The following ASTN2 variants were observed in gnomAD, a reference collection of about 807,000 sequenced individuals.
The protein encoded by ASTN2 is astrotactin 2.
Under a neutral mutation model 139.8 loss-of-function variants are expected in ASTN2, and 54 were observed. That is an observed-to-expected ratio of 0.39 (90% CI 0.31 to 0.48). The LOEUF is 0.48. Among genes scored for constraint, ASTN2 ranks in the 20% least tolerant of loss-of-function variants. ASTN2 has a pLI of 0.95. For missense variants in ASTN2, 1,565 were observed against 1,725.1 expected (o/e 0.91, Z 1.64); for synonymous variants, 756 against 719.5 (o/e 1.05, Z -0.81).
chr9:117,100,475 TATC>T (rs749941968), intron 4 of ASTN2, among the ~76,000 whole-genome samples: 10 of 152,362 alleles, frequency 6.6e-5, no homozygotes, highest in Admixed American at 1.3e-4. Flanking sequence ...ATTAAAATAT[TATC>T]ATGTTAACAT....
chr9:116,944,753 T>C (rs1484969492), intron 10 of ASTN2, among the ~76,000 whole-genome samples: 1 of 144,256 alleles, frequency 6.9e-6, no homozygotes, highest in African/African-American at 2.6e-5. Context: ...TGGGAAGCCA[T>C]AAACAATTTA....
intron 1 of ASTN2, among the ~76,000 whole-genome samples, chr9:117,398,930 C>T (rs187685976): frequency 3.9e-4 from 60 of 152,206 alleles, no homozygotes; most frequent in Non-Finnish European, 1.5e-5. Flanking sequence ...TACAGACATG[C>T]GCTGCCACAT....
chr9:116,522,153 C>T (rs1850903990), intron 19 of ASTN2, among the ~76,000 whole-genome samples: 1 of 152,054 alleles, frequency 6.6e-6, no homozygotes, highest in Non-Finnish European at 1.5e-5. Flanking sequence ...TCCAGTAATC[C>T]CACTACTAGG....
chr9:117,007,631 G>A (rs1251216330), intron 7 of ASTN2, among the ~76,000 whole-genome samples: 4 of 152,104 alleles, frequency 2.6e-5, no homozygotes, highest in Non-Finnish European at 5.9e-5. Flanking sequence ...AAATATGCCT[G>A]GCTACTAAAG....
intron 2 of ASTN2, among the ~76,000 whole-genome samples, chr9:117,219,739 G>C (rs186645877): frequency 2.0e-5 from 3 of 152,186 alleles, no homozygotes; most frequent in African/African-American, 7.2e-5. Flanking sequence ...AGAGATGTGA[G>C]AAAGAAAGTG....
intron 13 of ASTN2, among the ~76,000 whole-genome samples, chr9:116,756,770 AAC>A (rs111716372): frequency 0.018 from 2,697 of 148,094 alleles, 78 homozygotes; most frequent in African/African-American, 0.061. Flanking sequence ...CTCCGAATAA[AAC>A]ACACACACAC....
chr9:116,966,990 G>A (rs919665841), intron 10 of ASTN2, among the ~76,000 whole-genome samples: 8 of 151,994 alleles, frequency 5.3e-5, no homozygotes, highest in Non-Finnish European at 8.8e-5. Flanking sequence ...ATCCTGATTC[G>A]GCCACATACT....
At chr9:117,355,769 G>T (rs1829523513) in intron 1 of ASTN2, among the ~76,000 whole-genome samples, 1 of 152,168 alleles carries the variant, frequency 6.6e-6, no homozygotes, top group Non-Finnish European at 1.5e-5. Flanking sequence ...GGCTACCTCT[G>T]AGCATCTGGA....
chr9:116,438,170 T>A (rs1388537326), intron 22 of ASTN2, among the ~76,000 whole-genome samples: 1 of 152,244 alleles, frequency 6.6e-6, no homozygotes, highest in Non-Finnish European at 1.5e-5. Context: ...AATGCCACCC[T>A]GGCCTAGAAT....
chr9:116,799,706 T>TGGGGG (rs71379228), intron 13 of ASTN2, among the ~76,000 whole-genome samples: 31 of 123,276 alleles, frequency 2.5e-4, no homozygotes, highest in African/African-American at 8.7e-4. Flanking sequence ...GGTAAGAGAG[T>TGGGGG]GGGGGGGGGG....
In ASTN2 at chr9:116,426,069, G is replaced by A. The variant is rs752542381; in HGVS notation, c.3802C>T (p.Arg1268Trp). The A allele has an allele frequency of 1.1e-5, 18 of 1,613,374 alleles. 1 individual carries two copies. Among genetic ancestry groups the A allele is most frequent in the East Asian group, 2.2e-5 (1 of 44,876 alleles). Reference sequence around the variant, plus strand: ...TGGCTACTCACCCTCTCCAGTCGCCGTAGAATCAGGTGGGCCTTCCTGAAA... The same window carrying A: ...TGGCTACTCACCCTCTCCAGTCGCCATAGAATCAGGTGGGCCTTCCTGAAA... ...LGPRKAHLIL[R>W]RLERVSSHCS... The change falls in exon 23 of 23, where the codon CGG (arginine) becomes TGG (tryptophan). Residue 1268 changes from arginine to tryptophan, a missense_variant. Coordinates refer to ENST00000313400, the MANE Select transcript of ASTN2 (RefSeq NM_001365068.1).
At chr9:116,773,622 T>C (rs1013679125) in intron 13 of ASTN2, among the ~76,000 whole-genome samples, 2 of 152,192 alleles carry the variant, frequency 1.3e-5, no homozygotes, top group African/African-American at 2.4e-5. Flanking sequence ...ATATACCACA[T>C]ACTGAGCAAC....
At chr9:116,630,616 TAAAA>T (rs113197859) in intron 17 of ASTN2, among the ~76,000 whole-genome samples, 1 of 151,082 alleles carries the variant, frequency 6.6e-6, no homozygotes, top group Non-Finnish European at 1.5e-5. Context: ...AATGACTTAA[TAAAA>T]AAAAATAGAT....
intron 16 of ASTN2, among the ~76,000 whole-genome samples, chr9:116,713,039 G>T (rs1042784019): frequency 9.9e-5 from 15 of 151,996 alleles, no homozygotes; most frequent in African/African-American, 3.6e-4. Flanking sequence ...CTTTTGAATT[G>T]CCACTCAACA....
chr9:117,149,170 C>A (rs1034536702), intron 3 of ASTN2, among the ~76,000 whole-genome samples: 1 of 152,016 alleles, frequency 6.6e-6, no homozygotes, highest in Non-Finnish European at 1.5e-5. Context: ...TAGGCATGTA[C>A]CACCATGTCC....
intron 4 of ASTN2, among the ~76,000 whole-genome samples, chr9:117,103,281 T>C (rs12005977): frequency 0.029 from 4,381 of 152,302 alleles, 203 homozygotes; most frequent in African/African-American, 0.097. Flanking sequence ...ATTCTTGGCA[T>C]ACCATTCTAG....
intron 15 of ASTN2, 66 bp downstream of exon 15, chr9:116,728,926 C>G: frequency 4.4e-6 from 6 of 1,349,628 alleles, no homozygotes; most frequent in Non-Finnish European, 5.2e-6. Flanking sequence ...CTGGCACATG[C>G]TAGGTCCTTG....
At chr9:116,913,841 T>C (rs1265991551) in intron 10 of ASTN2, among the ~76,000 whole-genome samples, 2 of 151,688 alleles carry the variant, frequency 1.3e-5, no homozygotes, top group African/African-American at 4.8e-5. Context: ...ATGGACCAAG[T>C]TCCTTTCTGT....
At chr9:117,291,162 T>C (rs943991218) in intron 2 of ASTN2, among the ~76,000 whole-genome samples, 164 bp downstream of exon 2, 3 of 152,242 alleles carry the variant, frequency 2.0e-5, no homozygotes, top group Admixed American at 2.0e-4. Context: ...TATGCATCAG[T>C]CCAAGTGACA....
Sources: allele counts gnomAD v4.1 joint callset (sites outside exome capture counted in the v4.1 genomes callset), GRCh38; gene constraint gnomAD v4.1.1; transcripts MANE v1.5; gene names NCBI Gene and HGNC (gene_info 2026-07-23, HGNC 2026-07-21).